ATL1: variants seen among roughly 807,000 people sequenced by gnomAD.
ATL1 encodes atlastin GTPase 1, also known as atlastin-1.
ATL1 carries 31 observed loss-of-function variants against 75.5 expected under a neutral mutation model. That is an observed-to-expected ratio of 0.41 (90% CI 0.31 to 0.55). The LOEUF (loss-of-function observed/expected upper bound fraction) is 0.55. Among genes scored for constraint, ATL1 ranks in the 20% least tolerant of loss-of-function variants. ATL1 has a pLI of 0.27. For missense variants in ATL1, 405 were observed against 662.6 expected, an observed-to-expected ratio of 0.61 and a Z score of 4.27; for synonymous variants, 226 against 233.3, an observed-to-expected ratio of 0.97 and a Z score of 0.28.
At chr14:50,617,804 T>G (rs2039429248) in intron 8 of ATL1, among the ~76,000 whole-genome samples, 1 of 152,234 alleles carries the variant, frequency 6.6e-6, no homozygotes, top group Non-Finnish European at 1.5e-5. Context: ...GCAAATCGAT[T>G]TGAACTGGTT....
At chr14:50,621,603 A>G (rs1329060784) in intron 9 of ATL1, among the ~76,000 whole-genome samples, 1 of 152,202 alleles carries the variant, frequency 6.6e-6, no homozygotes, top group East Asian at 1.9e-4. Flanking sequence ...AGGGAGTGGC[A>G]TTGAGTTGAG....
upstream of ATL1, among the ~76,000 whole-genome samples, chr14:50,557,713 T>G (rs2038781187): frequency 6.6e-6 from 1 of 152,204 alleles, no homozygotes; most frequent in South Asian, 2.1e-4. Context: ...AACTTATGAT[T>G]AAAAAGATGC....
chr14:50,588,535 A>G (rs2039123856), intron 2 of ATL1, among the ~76,000 whole-genome samples: 1 of 152,024 alleles, frequency 6.6e-6, no homozygotes, highest in Non-Finnish European at 1.5e-5. Flanking sequence ...ATCACTTATG[A>G]CTCCATCTAT....
intron 8 of ATL1, among the ~76,000 whole-genome samples, chr14:50,618,628 A>G (rs931120437): frequency 4.6e-5 from 7 of 152,104 alleles, no homozygotes; most frequent in Non-Finnish European, 7.4e-5. Flanking sequence ...TGTAGCCCCA[A>G]TGTTATAACT....
At chr14:50,631,110 AT>A in intron 13 of ATL1, 1 of 280,500 alleles carries the variant, frequency 3.6e-6, no homozygotes, top group South Asian at 3.3e-5. Context: ...AATACAAAAA[AT>A]TAGCCAGGTG....
At chr14:50,542,988 G>A (rs2038585544) in intron 1 of ATL1, among the ~76,000 whole-genome samples, 1 of 152,218 alleles carries the variant, frequency 6.6e-6, no homozygotes, top group Non-Finnish European at 1.5e-5. Context: ...GTCAGTGGGA[G>A]AAGTATTATG....
intron 8 of ATL1, among the ~76,000 whole-genome samples, chr14:50,618,859 A>G (rs1035003790): frequency 6.8e-5 from 10 of 147,842 alleles, no homozygotes; most frequent in Admixed American, 2.7e-4. Flanking sequence ...TATATAATGT[A>G]TGTGTGTGTG....
intron 11 of ATL1, 84 bp from the exon 12 acceptor site, chr14:50,627,947 C>G: frequency 7.5e-7 from 1 of 1,332,776 alleles, no homozygotes; most frequent in East Asian, 2.4e-5. Flanking sequence ...TTCTAACAAA[C>G]TCAACTAGCT....
intron 1 of ATL1, among the ~76,000 whole-genome samples, chr14:50,586,742 T>C (rs982481329): frequency 4.6e-5 from 7 of 152,102 alleles, no homozygotes; most frequent in African/African-American, 1.4e-4. Flanking sequence ...AGATCTGGGA[T>C]GAAAGTTTTG....
chr14:50,626,895 C>T (rs2039526019), intron 11 of ATL1, among the ~76,000 whole-genome samples: 1 of 152,154 alleles, frequency 6.6e-6, no homozygotes, highest in South Asian at 2.1e-4. Context: ...CTCTTCATCC[C>T]CTTCCCCCTA....
In ATL1 at chr14:50,625,915, A is replaced by G. The variant is rs1460207105; in HGVS notation, c.1120-2116A>G. Among the ~76,000 whole-genome samples the G allele has an allele frequency of 9.8e-3, 1,399 of 142,360 alleles. 19 individuals are homozygous for G. The highest frequency in any genetic ancestry group is 0.021 in the Middle Eastern group (6 of 284). The allele number at this position is 142,360 out of a possible 152,430, so 93.4% of individuals were successfully genotyped here. ...GAGACCCGTCTCAAAAAAAAAAAAG[A>G]AAAAAAAAATCATGCTATACCTACT... On this transcript the variant is annotated intron_variant, in intron 11 of 13. Coordinates refer to ENST00000358385, the MANE Select transcript of ATL1 (RefSeq NM_015915.5).
intron 4 of ATL1, among the ~76,000 whole-genome samples, chr14:50,593,441 T>A (rs755462573): frequency 1.2e-4 from 19 of 152,180 alleles, no homozygotes; most frequent in Non-Finnish European, 2.4e-4. Context: ...AAACTCTGTA[T>A]AGACATAAAT....
At chr14:50,588,784 C>T (rs1051092532) in intron 2 of ATL1, among the ~76,000 whole-genome samples, 1 of 152,074 alleles carries the variant, frequency 6.6e-6, no homozygotes, top group African/African-American at 2.4e-5. Flanking sequence ...GGTTATTTTT[C>T]AGGCTTAGGA....
chr14:50,609,453 G>A (rs960848319), intron 6 of ATL1, among the ~76,000 whole-genome samples: 4 of 151,826 alleles, frequency 2.6e-5, no homozygotes, highest in Non-Finnish European at 4.4e-5. Flanking sequence ...GCTACTCTGC[G>A]GCTGTTGTGT....
intron 4 of ATL1, 106 bp from the exon 5 acceptor site, chr14:50,593,740 G>C: frequency 1.4e-6 from 1 of 729,652 alleles, no homozygotes; most frequent in African/African-American, 1.7e-5. Context: ...GTACATAAGA[G>C]AGTCCATTTT....
intron 10 of ATL1, among the ~76,000 whole-genome samples, chr14:50,622,657 C>G (rs1335479107): frequency 6.6e-6 from 1 of 151,676 alleles, no homozygotes; most frequent in African/African-American, 2.4e-5. Context: ...CAGAGCAAGA[C>G]TCAGTCTCAA....
At chr14:50,564,400 A>G (rs1306146113) in intron 1 of ATL1, among the ~76,000 whole-genome samples, 2 of 152,142 alleles carry the variant, frequency 1.3e-5, no homozygotes, top group Non-Finnish European at 2.9e-5. Context: ...TTGTAATCCC[A>G]GCACTTTGGG....
upstream of ATL1, among the ~76,000 whole-genome samples, chr14:50,556,543 A>C (rs1020779703): frequency 6.6e-6 from 1 of 152,180 alleles, no homozygotes; most frequent in Non-Finnish European, 1.5e-5. Flanking sequence ...AGTATACCCA[A>C]GAGTTGTGCA....
At chr14:50,561,100 G>C (rs2038838362) in intron 1 of ATL1, 1 of 152,424 alleles carries the variant, frequency 6.6e-6, no homozygotes, top group African/African-American at 2.4e-5. Flanking sequence ...AAGGAGAGGC[G>C]AGACCCAGTA....
Sources: gnomAD v4.1 joint callset for allele counts (sites outside exome capture counted in the v4.1 genomes callset) on GRCh38, gnomAD v4.1.1 for gene constraint, MANE v1.5 for transcripts, NCBI Gene and HGNC (gene_info 2026-07-23, HGNC 2026-07-21) for gene names.